Variants in TEKT3 observed in about 807,000 individuals in gnomAD.
TEKT3 encodes the protein tektin 3, also known as tektin-3.
TEKT3 carries 49 observed loss-of-function variants against 49.8 expected under a neutral mutation model. The ratio of observed to expected loss-of-function variants is 0.98; its 90% confidence interval spans 0.78 to 1.25. The LOEUF is 1.25. Among genes scored for constraint, TEKT3 ranks in the 50% most tolerant of loss-of-function variants. TEKT3 has a pLI of 0.00. For synonymous variants in TEKT3, 225 were observed against 237.2 expected (o/e 0.95, Z 0.47); for missense variants, 595 against 629.5 (o/e 0.95, Z 0.59).
rs1028605228 is a variant in TEKT3 at position 15,308,699 on chromosome 17, C to T, written c.1221G>A (p.Pro407=). 1.9e-5 allele frequency: 31 copies of T among 1,612,748 alleles called. No homozygotes were observed. Among genetic ancestry groups the T allele is most frequent in the South Asian group, 3.3e-5 (3 of 91,022 alleles). Residue 407 remains proline (P), a synonymous_variant, in exon 8 of 9, where the codon CCG becomes CCA. Coordinates refer to ENST00000395930, the MANE Select transcript of TEKT3 (RefSeq NM_031898.3). Reference sequence around the variant, plus strand: ...CCATGTCTCGGCACAACTCAATGTTCGGCCGTCTTGTGCGCTCATCCAGTC... The same window carrying T: ...CCATGTCTCGGCACAACTCAATGTTTGGCCGTCTTGTGCGCTCATCCAGTC... The part of the protein sequence containing the change: ...QTRLDERTRR[P]NIELCRDMAQ...
chr17:15,317,553 A>G (rs190344350), intron 5 of TEKT3, among the ~76,000 whole-genome samples: 13 of 152,180 alleles, frequency 8.5e-5, no homozygotes, highest in African/African-American at 2.4e-4. Flanking sequence ...AACCTCTCCA[A>G]CCTTCGTGGT....
rs1374565337 is a variant in TEKT3 at position 15,331,212 on chromosome 17, G to T, written c.374C>A (p.Ser125Tyr). 1.2e-5 allele frequency: 20 copies of T among 1,614,214 alleles called. No individual in the cohort carries two copies. Among genetic ancestry groups the T allele is most frequent in the Non-Finnish European group, 1.7e-5 (20 of 1,180,048 alleles). Reference sequence around the variant, plus strand: ...TTGATATTTGTCTTGAATCAGGCGAGATGTATCCACTCTTAGTTTCTCCGA... The same window carrying T: ...TTGATATTTGTCTTGAATCAGGCGATATGTATCCACTCTTAGTTTCTCCGA... Reference protein sequence around the residue: ...HNSEKLRVDTSRLIQDKYQQT... With the variant: ...HNSEKLRVDTYRLIQDKYQQT... Residue 125 changes from serine (S) to tyrosine (Y), a missense_variant, in exon 3 of 9, where the codon TCT becomes TAT. By Grantham distance (144) the Ser-to-Tyr change is moderately radical. Transcript: ENST00000395930.
At position 15,329,522 on chromosome 17, in the gene TEKT3, A is replaced by G. The variant is rs186903663; in HGVS notation, c.580-1447T>C. ...CAGTCAAGGGTAGGAAGAACTGTAG[A>G]ATAAACCAATACTTCAGAGTAATCT... On this transcript the variant is annotated intron_variant, in intron 3 of 8. Coordinates refer to ENST00000395930, the MANE Select transcript of TEKT3 (RefSeq NM_031898.3). 2.3e-3 allele frequency among the ~76,000 whole-genome samples: 347 copies of G among 152,374 alleles called. 1 individual carries two copies. The highest frequency in any genetic ancestry group is 5.9e-3 in the African/African-American group (247 of 41,590).
At chr17:15,310,486 A>G (rs1910723232) in intron 7 of TEKT3, among the ~76,000 whole-genome samples, 1 of 152,182 alleles carries the variant, frequency 6.6e-6, no homozygotes, top group South Asian at 2.1e-4. Flanking sequence ...TTATAAGCAG[A>G]GGAAATTTGG....
intron 2 of TEKT3, among the ~76,000 whole-genome samples, chr17:15,332,140 C>T (rs1911784569): frequency 6.6e-6 from 1 of 152,076 alleles, no homozygotes; most frequent in Non-Finnish European, 1.5e-5. Flanking sequence ...TTGCAATGAG[C>T]TGAGATCGCA....
At chr17:15,337,178 A>C (rs1245284718) in intron 2 of TEKT3, among the ~76,000 whole-genome samples, 4 of 152,076 alleles carry the variant, frequency 2.6e-5, no homozygotes, top group Non-Finnish European at 4.4e-5. Flanking sequence ...AATAAATACA[A>C]TAGATATAAT....
At chr17:15,307,227 A>C (rs1315774832) in intron 8 of TEKT3, among the ~76,000 whole-genome samples, 1 of 152,188 alleles carries the variant, frequency 6.6e-6, no homozygotes, top group East Asian at 1.9e-4. Context: ...TACTTTGCCA[A>C]CTCTTCTCAA....
At chr17:15,338,396 C>G (rs1241590047) in intron 2 of TEKT3, 1 of 152,154 alleles carries the variant, frequency 6.6e-6, no homozygotes, top group Non-Finnish European at 1.5e-5. Context: ...GTGAATTCTA[C>G]CAAACTTTTA....
chr17:15,314,212 C>G lies in TEKT3; in HGVS notation c.753G>C (p.Gln251His). ...CACTCAGGTCCTTTTCCAGCTCATG[C>G]TGGGACGCTCTGTTGGCTCTGCAAT... ...IAQLAANRAS[Q>H]HELEKDLSDK... The change falls in exon 6 of 9, where the codon CAG (glutamine) becomes CAC (histidine). Residue 251 changes from glutamine (Q) to histidine (H), a missense_variant. Coordinates refer to ENST00000395930, the MANE Select transcript of TEKT3 (RefSeq NM_031898.3). 6.2e-7 allele frequency: 1 copy of G among 1,614,188 alleles called. No individual in the cohort carries two copies. Among genetic ancestry groups the G allele is most frequent in the Non-Finnish European group, 8.5e-7 (1 of 1,180,032 alleles).
At chr17:15,316,540 C>A (rs147969328) in intron 5 of TEKT3, among the ~76,000 whole-genome samples, 1 of 152,252 alleles carries the variant, frequency 6.6e-6, no homozygotes, top group Non-Finnish European at 1.5e-5. Context: ...GTGATAGATA[C>A]TCTGAAAGTC....
intron 4 of TEKT3, among the ~76,000 whole-genome samples, chr17:15,326,252 G>A (rs1911486090): frequency 6.6e-6 from 1 of 152,132 alleles, no homozygotes; most frequent in Non-Finnish European, 1.5e-5. Context: ...TTCTCACCAA[G>A]GACCAATTAA....
At chr17:15,317,571 T>A (rs1911062702) in intron 5 of TEKT3, among the ~76,000 whole-genome samples, 1 of 152,162 alleles carries the variant, frequency 6.6e-6, no homozygotes, top group Admixed American at 6.5e-5. Context: ...GGTGTTCAGA[T>A]CCTGACGCAC....
In TEKT3 at chr17:15,308,814, A is replaced by G. The variant is rs1417731567; in HGVS notation, c.1106T>C (p.Leu369Pro). ...CATTTCAGTCTGGAAAATCTCCTGC[A>G]GGGTCTGTGACAAAGAGAAGCAACT... The part of the protein sequence containing the change: ...NKIQTHLAKT[L>P]QEIFQTEMTI... Residue 369 changes from leucine (L) to proline (P), a missense_variant, in exon 8 of 9, where the codon CTG becomes CCG. Transcript: ENST00000395930. The G allele has an allele frequency of 5.6e-6, 9 of 1,613,594 alleles. No homozygotes were observed. Among genetic ancestry groups the G allele is most frequent in the Non-Finnish European group, 7.6e-6 (9 of 1,179,714 alleles).
chr17:15,328,295 T>C (rs959930492), intron 3 of TEKT3, among the ~76,000 whole-genome samples: 11 of 152,244 alleles, frequency 7.2e-5, no homozygotes, highest in African/African-American at 2.7e-4. Context: ...TTTGAAAATA[T>C]TCCTATCTTG....
intron 5 of TEKT3, 183 bp from the exon 6 acceptor site, chr17:15,314,413 C>G: frequency 1.5e-6 from 1 of 668,984 alleles, no homozygotes. Context: ...ACCTCTACGT[C>G]ACTGGGACCC....
chr17:15,312,393 C>T lies in TEKT3; in HGVS notation c.967G>A (p.Asp323Asn). Residue 323 changes from aspartate to asparagine, a missense_variant, in exon 7 of 9, where the codon GAC becomes AAC. Physicochemically the swap from Asp to Asn is conservative, Grantham distance 23 (BLOSUM62 1). Coordinates refer to ENST00000395930, the MANE Select transcript of TEKT3 (RefSeq NM_031898.3). ...SERAASAKLR[D>N]DIENLLVVTA... ...ACAACCAAGAGGTTTTCAATGTCGT[C>T]TCTTAGCTTAGCGGAAGCTGCCCGT... is the stretch of plus-strand genomic sequence containing the variant. 1 of 1,614,208 alleles carries T rather than the reference C, an allele frequency of 6.2e-7. No homozygotes were observed. The highest frequency in any genetic ancestry group is 8.5e-7 in the Non-Finnish European group (1 of 1,180,040).
chr17:15,304,082 C>CCT lies in TEKT3; in HGVS notation c.1325_1326dup (p.Asp443ArgfsTer33). Reference sequence around the variant, plus strand: ...ATGTGGACCAGCGACTGCAGGGTGTCCTCTGCATCCCTCAGGCGCTGCTGC... The same window carrying CCT: ...ATGTGGACCAGCGACTGCAGGGTGTCCTCTCTGCATCCCTCAGGCGCTGCTGC... On this transcript the variant is annotated frameshift_variant, in exon 9 of 9. Transcript: ENST00000395930. LOFTEE classifies it high-confidence loss of function. The surrounding 1 kb of genome is among the most constrained non-coding windows in gnomAD (Gnocchi z 4.7). 1 of 1,613,944 alleles carries CCT rather than the reference C, an allele frequency of 6.2e-7. No homozygotes were observed. Among genetic ancestry groups the CCT allele is most frequent in the Non-Finnish European group, 8.5e-7 (1 of 1,179,850 alleles).
In TEKT3 at chr17:15,312,284, T is replaced by C. The variant is rs772156678; in HGVS notation, c.1076A>G (p.Asn359Ser). Reference sequence around the variant, plus strand: ...CTTTGCTAAGTGCGTCTGAATCTTATTCTTAGCATCTGCAGTCTCAGCAAT... The same window carrying C: ...CTTTGCTAAGTGCGTCTGAATCTTACTCTTAGCATCTGCAGTCTCAGCAAT... ...NRIAETADAKNKIQTHLAKTL... is the reference protein window; with the variant it reads ...NRIAETADAKSKIQTHLAKTL... The change falls in exon 7 of 9, where the codon AAT (asparagine) becomes AGT (serine). Residue 359 changes from asparagine (N) to serine (S), a missense_variant. Coordinates refer to ENST00000395930, the MANE Select transcript of TEKT3 (RefSeq NM_031898.3). The C allele has an allele frequency of 1.4e-5, 23 of 1,614,240 alleles. No individual in the cohort carries two copies. Among genetic ancestry groups the C allele is most frequent in the Non-Finnish European group, 1.0e-5 (12 of 1,180,054 alleles).
At chr17:15,319,591 A>G (rs1911166054) in intron 4 of TEKT3, among the ~76,000 whole-genome samples, 1 of 152,214 alleles carries the variant, frequency 6.6e-6, no homozygotes, top group Non-Finnish European at 1.5e-5. Context: ...CAGTACATGT[A>G]TCCTCCAGAA....
Sources: allele counts gnomAD v4.1 joint callset (sites outside exome capture counted in the v4.1 genomes callset), GRCh38; gene constraint gnomAD v4.1.1; non-coding constraint Gnocchi (gnomAD v3.1); transcripts MANE v1.5; gene names NCBI Gene and HGNC (gene_info 2026-07-23, HGNC 2026-07-21).